RARRES1: variants seen among roughly 807,000 people sequenced by gnomAD.
RARRES1 encodes the protein retinoic acid receptor responder 1, also known as retinoic acid receptor responder protein 1.
A neutral mutation model predicts 30.6 loss-of-function variants in RARRES1; 34 were observed. That is an observed-to-expected ratio of 1.11 (90% CI 0.84 to 1.48). The LOEUF (loss-of-function observed/expected upper bound fraction) is 1.48, where lower values mean the gene tolerates loss of function less well. Among genes scored for constraint, RARRES1 ranks in the 40% most tolerant of loss-of-function variants. The pLI, the probability that RARRES1 is intolerant of heterozygous loss-of-function variation, is 0.00. For synonymous variants in RARRES1, 153 were observed against 155.5 expected, an observed-to-expected ratio of 0.98 and a Z score of 0.12; for missense variants, 373 against 386.5, an observed-to-expected ratio of 0.97 and a Z score of 0.29.
intron 1 of RARRES1, among the ~76,000 whole-genome samples, chr3:158,720,273 T>TGAGAGAGA (rs968371151): frequency 6.9e-6 from 1 of 144,450 alleles, no homozygotes; most frequent in African/African-American, 2.6e-5. Context: ...TGTATGTGTG[T>TGAGAGAGA]GAGAGAGAGA....
intron 1 of RARRES1, among the ~76,000 whole-genome samples, chr3:158,720,193 G>C (rs1727459808): frequency 6.7e-6 from 1 of 150,348 alleles, no homozygotes; most frequent in Non-Finnish European, 1.5e-5. Flanking sequence ...ATAGAGCCCA[G>C]CAACCTCTCT....
rs531291750 is a variant in RARRES1 at position 158,723,248 on chromosome 3, C to T, written c.276+8892G>A. Among the ~76,000 whole-genome samples, 68 of 152,294 alleles carry T rather than the reference C, an allele frequency of 4.5e-4. No homozygotes were observed. Among genetic ancestry groups the T allele is most frequent in the African/African-American group, 1.6e-3 (66 of 41,556 alleles). On this transcript the variant is annotated intron_variant, in intron 1 of 5. Coordinates refer to ENST00000237696, the MANE Select transcript of RARRES1 (RefSeq NM_206963.2). This position sits in a 1 kb window ranked among gnomAD's most constrained non-coding sequence, Gnocchi z 4.4. The stretch of plus-strand genomic sequence containing the variant: ...ACTCACTGGTCTAACAGACTCAGCT[C>T]CTAAATGTCGCCTCCAGCATTCACA...
At chr3:158,700,202 A>AGTGT (rs138755640) in intron 4 of RARRES1, among the ~76,000 whole-genome samples, 44,094 of 147,376 alleles carry the variant, frequency 0.3, 6,738 homozygotes, top group Middle Eastern at 0.34. Context: ...AATAATAATA[A>AGTGT]GTGTGTGTGT....
chr3:158,698,005 T>C, intron 4 of RARRES1, 35 bp from the exon 5 acceptor site: 2 of 1,368,642 alleles, frequency 1.5e-6, no homozygotes, highest in Non-Finnish European at 2.1e-6. Context: ...GTAATAAATA[T>C]GGTGGTATTT....
At chr3:158,712,309 T>C (rs1428018078) in intron 2 of RARRES1, among the ~76,000 whole-genome samples, 1 of 152,194 alleles carries the variant, frequency 6.6e-6, no homozygotes, top group Non-Finnish European at 1.5e-5. Flanking sequence ...TCTCTGCGCT[T>C]GAGCCCAGGA....
intron 2 of RARRES1, among the ~76,000 whole-genome samples, chr3:158,712,586 G>C (rs1480192376): frequency 6.6e-6 from 1 of 152,092 alleles, no homozygotes; most frequent in African/African-American, 2.4e-5. Flanking sequence ...AAAGGTGAAG[G>C]AAGCATTCAG....
intron 1 of RARRES1, among the ~76,000 whole-genome samples, chr3:158,719,020 C>T (rs1321194508): frequency 6.6e-6 from 1 of 152,116 alleles, no homozygotes; most frequent in Non-Finnish European, 1.5e-5. Flanking sequence ...TGAAACAGAT[C>T]AGGAAACTTG....
chr3:158,697,893 A>G lies in RARRES1; in HGVS notation c.735+15T>C. 1 of 1,559,004 alleles carries G rather than the reference A, an allele frequency of 6.4e-7. No individual in the cohort carries two copies. Among genetic ancestry groups the G allele is most frequent in the East Asian group, 2.2e-5 (1 of 44,606 alleles). ...TTATGGTAAAAACAATTCTACATAC[A>G]ATGTTATGTTTTACCTGTGTTGATA... On this transcript the variant is annotated intron_variant, in intron 5 of 5. Coordinates refer to ENST00000237696, the MANE Select transcript of RARRES1 (RefSeq NM_206963.2).
intron 1 of RARRES1, among the ~76,000 whole-genome samples, chr3:158,730,319 C>CAAAA (rs58772915): frequency 1.3e-5 from 1 of 79,414 alleles, no homozygotes; most frequent in African/African-American, 4.9e-5. Flanking sequence ...GACTCTGTCT[C>CAAAA]AAAAAAAAAA....
intron 1 of RARRES1, among the ~76,000 whole-genome samples, chr3:158,718,662 A>G (rs1727402604): frequency 6.6e-6 from 1 of 152,158 alleles, no homozygotes; most frequent in South Asian, 2.1e-4. Context: ...TCCCAGAGAA[A>G]TAGTGATGGA....
In RARRES1 at chr3:158,717,847, C is replaced by T. The variant is rs548132888; in HGVS notation, c.277-3988G>A. Among the ~76,000 whole-genome samples the T allele has an allele frequency of 4.7e-4, 72 of 152,108 alleles. 1 individual carries two copies. The highest frequency in any genetic ancestry group is 1.5e-3 in the South Asian group (7 of 4,818). On this transcript the variant is annotated intron_variant, in intron 1 of 5. Transcript: ENST00000237696. Reference sequence around the variant, plus strand: ...GCCAGGTTGCCCCCCAGCCAGGCTGCGGCAGGCCACCCTCCCACCAGCCAT... The same window carrying T: ...GCCAGGTTGCCCCCCAGCCAGGCTGTGGCAGGCCACCCTCCCACCAGCCAT...
chr3:158,713,954 T>TGCC (rs2108141898), intron 1 of RARRES1, 95 bp from the exon 2 acceptor site: 1 of 1,132,456 alleles, frequency 8.8e-7, no homozygotes, highest in South Asian at 1.3e-5. Context: ...GGCATGCAAA[T>TGCC]GGTGGCTGTA....
At chr3:158,711,639 G>C (rs1410074831) in intron 2 of RARRES1, among the ~76,000 whole-genome samples, 1 of 143,924 alleles carries the variant, frequency 6.9e-6, no homozygotes, top group African/African-American at 2.6e-5. Flanking sequence ...AGTCCTGCCT[G>C]GGTGGGAGTG....
intron 1 of RARRES1, among the ~76,000 whole-genome samples, chr3:158,722,086 C>CA (rs571829700): frequency 0.012 from 821 of 68,688 alleles, 11 homozygotes; most frequent in Non-Finnish European, 0.017. Context: ...GAATGAAACT[C>CA]AAAAAAAAAA....
chr3:158,713,655 G>C, intron 2 of RARRES1, 142 bp downstream of exon 2: 1 of 776,120 alleles, frequency 1.3e-6, no homozygotes, highest in Non-Finnish European at 2.1e-6. Context: ...CTGTTCTTTA[G>C]TTCTTGATAA....
chr3:158,709,095 A>T (rs1727027032), intron 3 of RARRES1, among the ~76,000 whole-genome samples: 1 of 152,230 alleles, frequency 6.6e-6, no homozygotes, highest in Non-Finnish European at 1.5e-5. Context: ...TGACAGCAAA[A>T]CTTACAAGTT....
Position 158,697,833 on chromosome 3 carries a change from A to C in RARRES1, c.736-6T>G, listed in dbSNP as rs879049938. 1 of 1,606,146 alleles carries C rather than the reference A, an allele frequency of 6.2e-7. No homozygotes were observed. Among genetic ancestry groups the C allele is most frequent in the Admixed American group, 1.7e-5 (1 of 59,542 alleles). The stretch of plus-strand genomic sequence containing the variant: ...ATGCGACAGGGAATTATTTCCTAGG[A>C]AATAGAGTTATAAAATATTATAATC... On this transcript the variant is annotated splice_region_variant and splice_polypyrimidine_tract_variant and intron_variant, in intron 5 of 5. Coordinates refer to ENST00000237696, the MANE Select transcript of RARRES1 (RefSeq NM_206963.2).
At chr3:158,713,307 C>T (rs1253271167) in intron 2 of RARRES1, among the ~76,000 whole-genome samples, 1 of 152,130 alleles carries the variant, frequency 6.6e-6, no homozygotes, top group African/African-American at 2.4e-5. Flanking sequence ...ACATGGTCCG[C>T]TTGGTCAAAG....
At chr3:158,720,233 G>GGGGTGTGTGTGT (rs1553745427) in intron 1 of RARRES1, among the ~76,000 whole-genome samples, 1 of 139,264 alleles carries the variant, frequency 7.2e-6, no homozygotes, top group African/African-American at 2.8e-5. Context: ...GCTGGCTGCT[G>GGGGTGTGTGTGT]GTGTGTGTGT....
Sources: gnomAD v4.1 joint callset for allele counts (sites outside exome capture counted in the v4.1 genomes callset) on GRCh38, gnomAD v4.1.1 for gene constraint, Gnocchi (gnomAD v3.1) non-coding constraint, MANE v1.5 for transcripts, NCBI Gene and HGNC (gene_info 2026-07-23, HGNC 2026-07-21) for gene names.